EPHA3: variants seen among roughly 807,000 people sequenced by gnomAD.
The protein encoded by EPHA3 is ephrin type-A receptor 3.
EPHA3 carries 42 observed loss-of-function variants against 107.1 expected under a neutral mutation model. The observed-to-expected ratio is 0.39, with a 90% CI of 0.31 to 0.51. EPHA3 has a LOEUF of 0.51. Ranked by LOEUF, EPHA3 falls within the 20% of genes least tolerant of loss-of-function variation. The pLI, the probability that EPHA3 is intolerant of heterozygous loss-of-function variation, is 0.78. For synonymous variants in EPHA3, 461 were observed against 424.8 expected (o/e 1.09, Z -1.05); for missense variants, 1,183 against 1,211.2 (o/e 0.98, Z 0.35).
intron 5 of EPHA3, among the ~76,000 whole-genome samples, chr3:89,376,719 C>G (rs1403990209): frequency 6.6e-6 from 1 of 152,026 alleles, no homozygotes; most frequent in Non-Finnish European, 1.5e-5. Context: ...AAGGTTGATA[C>G]TAAGCCTTGA....
At chr3:89,335,889 G>A (rs1214939926) in intron 3 of EPHA3, among the ~76,000 whole-genome samples, 1 of 152,122 alleles carries the variant, frequency 6.6e-6, no homozygotes, top group Non-Finnish European at 1.5e-5. Flanking sequence ...GATTACCTGA[G>A]GGAAGACGTA....
intron 2 of EPHA3, among the ~76,000 whole-genome samples, chr3:89,186,912 CTTTAATT>C (rs1559590999): frequency 6.6e-6 from 1 of 152,122 alleles, no homozygotes; most frequent in East Asian, 1.9e-4. Flanking sequence ...TGTTTTTAAT[CTTTAATT>C]TACTGTGTGC....
At chr3:89,399,947 C>A (rs1708924969) in intron 7 of EPHA3, 1 of 1,050,096 alleles carries the variant, frequency 9.5e-7, no homozygotes, top group Non-Finnish European at 1.1e-6. Context: ...TGTGTTTTAT[C>A]ACTTCATTCA....
intron 2 of EPHA3, among the ~76,000 whole-genome samples, chr3:89,152,835 G>C (rs1704718198): frequency 6.6e-6 from 1 of 152,034 alleles, no homozygotes; most frequent in South Asian, 2.1e-4. Context: ...AGTTTGAAAA[G>C]ATTCATTACA....
chr3:89,196,454 C>T (rs1705838809), intron 2 of EPHA3, among the ~76,000 whole-genome samples: 1 of 152,160 alleles, frequency 6.6e-6, no homozygotes, highest in Non-Finnish European at 1.5e-5. Context: ...TCATCATTTT[C>T]ACTGCTGTAA....
At chr3:89,171,031 C>T (rs1036103962) in intron 2 of EPHA3, among the ~76,000 whole-genome samples, 1 of 150,938 alleles carries the variant, frequency 6.6e-6, no homozygotes, top group African/African-American at 2.4e-5. Context: ...TTTAAAAAGG[C>T]TTCTGTTTAG....
intron 15 of EPHA3, among the ~76,000 whole-genome samples, chr3:89,471,660 G>C (rs750345497): frequency 5.3e-5 from 8 of 152,084 alleles, no homozygotes; most frequent in African/African-American, 1.9e-4. Flanking sequence ...CACTGCGCCC[G>C]GCCCTTTTTC....
chr3:89,160,660 T>C (rs7652840), intron 2 of EPHA3, among the ~76,000 whole-genome samples: 146,335 of 151,120 alleles, frequency 0.97, 70,877 homozygotes, highest in African/African-American at 0.99. Flanking sequence ...AACTTGTATC[T>C]TTTTAATTGT....
At chr3:89,199,990 A>G (rs1270452085) in intron 2 of EPHA3, among the ~76,000 whole-genome samples, 1 of 152,248 alleles carries the variant, frequency 6.6e-6, no homozygotes, top group South Asian at 2.1e-4. Context: ...GAACAAAACC[A>G]GAGACCATGG....
intron 3 of EPHA3, among the ~76,000 whole-genome samples, chr3:89,296,133 G>C (rs754158381): frequency 6.6e-6 from 1 of 152,080 alleles, no homozygotes; most frequent in Non-Finnish European, 1.5e-5. Flanking sequence ...TCATCCATAA[G>C]GATTGGAATC....
Position 89,472,630 on chromosome 3 carries a change from A to T in EPHA3, c.2846+11A>T. 2 of 1,601,478 alleles carry T rather than the reference A, an allele frequency of 1.2e-6. No individual in the cohort carries two copies. Among genetic ancestry groups the T allele is most frequent in the South Asian group, 1.1e-5 (1 of 88,618 alleles). On this transcript the variant is annotated intron_variant, in intron 16 of 16. Transcript: ENST00000336596. ...CAAGATTTCCACAGAGTAAGAAAAA[A>T]AAATTCATTAAGAAGAATGAAGGAT...
At chr3:89,341,539 C>T (rs1459918659) in intron 4 of EPHA3, among the ~76,000 whole-genome samples, 1 of 152,124 alleles carries the variant, frequency 6.6e-6, no homozygotes, top group East Asian at 1.9e-4. Flanking sequence ...TGTATCCTTA[C>T]CTTTGAGTTA....
At position 89,212,621 on chromosome 3, in the gene EPHA3, G is replaced by T. The variant is rs111890545; in HGVS notation, c.814+2101G>T. ...TTTTTTTTTTGTTCTTTTTAATCCA[G>T]CCTAATGAATTATGTTATCTGTTTT... On this transcript the variant is annotated intron_variant, in intron 3 of 16. Transcript: ENST00000336596. Among the ~76,000 whole-genome samples the T allele has an allele frequency of 6.7e-3, 1,011 of 151,218 alleles. 8 individuals carry two copies. The highest frequency in any genetic ancestry group is 0.02 in the African/African-American group (837 of 41,178).
At chr3:89,350,481 C>A (rs1275415160) in intron 5 of EPHA3, among the ~76,000 whole-genome samples, 1 of 151,212 alleles carries the variant, frequency 6.6e-6, no homozygotes, top group African/African-American at 2.4e-5. Context: ...CTCCTTTAAG[C>A]ACTTCTCTGT....
At chr3:89,394,824 GT>G in intron 5 of EPHA3, among the ~76,000 whole-genome samples, 1 of 152,152 alleles carries the variant, frequency 6.6e-6, no homozygotes. Flanking sequence ...AGATTCCTGA[GT>G]TTTTGTTTGT....
chr3:89,455,310 C>T (rs1021266722), intron 15 of EPHA3, among the ~76,000 whole-genome samples: 13 of 152,082 alleles, frequency 8.5e-5, no homozygotes, highest in African/African-American at 3.1e-4. Flanking sequence ...GCTGTGTAAC[C>T]TCCTCCTCAC....
At chr3:89,458,505 G>A (rs1251906354) in intron 15 of EPHA3, among the ~76,000 whole-genome samples, 1 of 152,120 alleles carries the variant, frequency 6.6e-6, no homozygotes, top group Non-Finnish European at 1.5e-5. Context: ...TTAAATAATA[G>A]AAGGATTTAT....
At position 89,162,902 on chromosome 3, in the gene EPHA3, G is replaced by A. The variant is rs151290287; in HGVS notation, c.153+35629G>A. Among the ~76,000 whole-genome samples the A allele has an allele frequency of 3.1e-3, 474 of 152,316 alleles. 3 individuals carry two copies. The highest frequency in any genetic ancestry group is 6.8e-3 in the Middle Eastern group (2 of 294). ...GGTTGAAAGCTGCAGGGTGTCTGCT[G>A]ACAGCATCCCAGCAGCCGGGGCTGC... On this transcript the variant is annotated intron_variant, in intron 2 of 16. Transcript: ENST00000336596.
At chr3:89,331,456 A>T (rs1181973215) in intron 3 of EPHA3, among the ~76,000 whole-genome samples, 1 of 152,214 alleles carries the variant, frequency 6.6e-6, no homozygotes, top group East Asian at 1.9e-4. Flanking sequence ...AAATGTGTGA[A>T]CATAGCATAA....
Sources: gnomAD v4.1 joint callset for allele counts (sites outside exome capture counted in the v4.1 genomes callset) on GRCh38, gnomAD v4.1.1 for gene constraint, MANE v1.5 for transcripts, NCBI Gene and HGNC (gene_info 2026-07-23, HGNC 2026-07-21) for gene names.